NOS1AP: variants seen among roughly 807,000 people sequenced by gnomAD.
NOS1AP encodes carboxyl-terminal PDZ ligand of neuronal nitric oxide synthase protein.
In NOS1AP, 21 loss-of-function variants were observed where a neutral mutation model predicts 56.2. The observed-to-expected ratio is 0.37, with a 90% CI of 0.26 to 0.54. The LOEUF (loss-of-function observed/expected upper bound fraction) is 0.54, where lower values mean the gene tolerates loss of function less well. NOS1AP is among the 20% of genes least tolerant of loss of function. The probability of loss-of-function intolerance (pLI) is 0.84; values close to 1 mark genes in which losing one functional copy is unlikely to be tolerated. For synonymous variants in NOS1AP, 270 were observed against 274.6 expected, an observed-to-expected ratio of 0.98 and a Z score of 0.17; for missense variants, 522 against 657.8, an observed-to-expected ratio of 0.79 and a Z score of 2.26.
intron 1 of NOS1AP, among the ~76,000 whole-genome samples, chr1:162,083,327 G>C (rs541524105): frequency 6.6e-6 from 1 of 152,332 alleles, no homozygotes; most frequent in East Asian, 1.9e-4. Flanking sequence ...TGTGGGCCAA[G>C]TGACAGATAA....
chr1:162,227,376 A>T (rs1652980444), intron 2 of NOS1AP, among the ~76,000 whole-genome samples: 3 of 152,252 alleles, frequency 2.0e-5, no homozygotes, highest in Admixed American at 2.0e-4. Flanking sequence ...AATTTTAAAA[A>T]TATAACAATT....
chr1:162,148,256 T>C (rs1932933), intron 1 of NOS1AP, among the ~76,000 whole-genome samples: 75,542 of 152,098 alleles, frequency 0.5, 21,098 homozygotes, highest in Non-Finnish European at 0.63. Context: ...GTGTTCATTT[T>C]TGGAGGATTC....
intron 1 of NOS1AP, among the ~76,000 whole-genome samples, chr1:162,101,538 G>A (rs1434332562): frequency 6.6e-6 from 1 of 151,664 alleles, no homozygotes; most frequent in Non-Finnish European, 1.5e-5. Context: ...TGTACTTTGG[G>A]CATTTTTATG....
intron 2 of NOS1AP, among the ~76,000 whole-genome samples, chr1:162,273,160 CTTTTTTTTTTT>C (rs11429407): frequency 9.4e-6 from 1 of 106,222 alleles, no homozygotes; most frequent in Admixed American, 1.1e-4. Flanking sequence ...AGCCCTTGTT[CTTTTTTTTTTT>C]TTTTTTTTTT....
chr1:162,222,111 G>C (rs1652803351), intron 2 of NOS1AP, among the ~76,000 whole-genome samples: 3 of 152,060 alleles, frequency 2.0e-5, no homozygotes, highest in African/African-American at 7.2e-5. Context: ...CTTATTCCTA[G>C]CTGTGGAATA....
At chr1:162,102,035 G>GAA (rs1647296418) in intron 1 of NOS1AP, among the ~76,000 whole-genome samples, 1 of 152,150 alleles carries the variant, frequency 6.6e-6, no homozygotes, top group African/African-American at 2.4e-5. Flanking sequence ...TTTCAAGGGG[G>GAA]AATGCTTCTA....
At chr1:162,158,501 A>G (rs558544089) in intron 2 of NOS1AP, among the ~76,000 whole-genome samples, 42 of 152,318 alleles carry the variant, frequency 2.8e-4, no homozygotes, top group African/African-American at 9.6e-4. Flanking sequence ...TTTTTGGGAT[A>G]TATACCCAGA....
At chr1:162,081,627 G>T (rs1275681869) in intron 1 of NOS1AP, among the ~76,000 whole-genome samples, 67 of 148,662 alleles carry the variant, frequency 4.5e-4, no homozygotes, top group African/African-American at 1.6e-3. Flanking sequence ...ACTCATTGCA[G>T]CCTTGACCTC....
intron 2 of NOS1AP, among the ~76,000 whole-genome samples, chr1:162,242,175 T>G (rs935648013): frequency 6.6e-6 from 1 of 152,192 alleles, no homozygotes; most frequent in Non-Finnish European, 1.5e-5. Flanking sequence ...TTCCCTGACC[T>G]CAAGTGAATA....
intron 1 of NOS1AP, among the ~76,000 whole-genome samples, chr1:162,074,202 C>T (rs1011459866): frequency 6.6e-6 from 1 of 152,134 alleles, no homozygotes; most frequent in African/African-American, 2.4e-5. Flanking sequence ...TCCAGAGTTG[C>T]AAATTGGTGT....
chr1:162,144,334 CA>C (rs1170775728), intron 1 of NOS1AP, among the ~76,000 whole-genome samples: 5 of 152,356 alleles, frequency 3.3e-5, no homozygotes, highest in Admixed American at 3.3e-4. Flanking sequence ...CTGCCACTCA[CA>C]AGCTACGTTT....
intron 1 of NOS1AP, among the ~76,000 whole-genome samples, chr1:162,137,827 A>G (rs1314539389): frequency 6.6e-6 from 1 of 152,022 alleles, no homozygotes; most frequent in African/African-American, 2.4e-5. Flanking sequence ...GGCTGCTCAT[A>G]TTGCTATCCT....
chr1:162,237,691 G>A (rs961484925), intron 2 of NOS1AP, among the ~76,000 whole-genome samples: 4 of 152,198 alleles, frequency 2.6e-5, no homozygotes, highest in East Asian at 1.9e-4. Context: ...ATTACTTAAA[G>A]AATATTCAAC....
intron 2 of NOS1AP, among the ~76,000 whole-genome samples, chr1:162,285,804 G>A (rs1456130865): frequency 1.3e-5 from 2 of 152,184 alleles, no homozygotes; most frequent in Non-Finnish European, 2.9e-5. Flanking sequence ...TGCTGACAGG[G>A]TAGAGTGGAG....
At chr1:162,195,179 A>G (rs918842296) in intron 2 of NOS1AP, among the ~76,000 whole-genome samples, 2 of 152,212 alleles carry the variant, frequency 1.3e-5, no homozygotes, top group African/African-American at 4.8e-5. Context: ...TTAGTATAGT[A>G]TCTAGCACAT....
intron 2 of NOS1AP, among the ~76,000 whole-genome samples, chr1:162,252,767 A>G (rs974621813): frequency 6.6e-6 from 1 of 152,208 alleles, no homozygotes; most frequent in Non-Finnish European, 1.5e-5. Context: ...AATAGCCACT[A>G]GCTAAGTGTG....
chr1:162,355,161 C>G, intron 6 of NOS1AP, 26 bp from the exon 7 acceptor site: 1 of 1,612,970 alleles, frequency 6.2e-7, no homozygotes, highest in South Asian at 1.1e-5. Flanking sequence ...TCATTCTCTT[C>G]CCTCCCTCCC....
In NOS1AP at chr1:162,367,412, A is replaced by C. The variant is rs765447783; in HGVS notation, c.1466A>C (p.Asn489Thr). 6.3e-7 allele frequency: 1 copy of C among 1,594,866 alleles called. No individual in the cohort carries two copies. Among genetic ancestry groups the C allele is most frequent in the South Asian group, 1.1e-5 (1 of 89,242 alleles). ...CAGGAGGAGCTGCCGCGCCTGCTGA[A>C]TGTCCTGCAGAGGCAGGAACTGGGC... ...WSQEELPRLL[N>T]VLQRQELGDG... The change falls in exon 10 of 10, where the codon AAT (asparagine) becomes ACT (threonine). Residue 489 changes from asparagine (N) to threonine (T), a missense_variant. Physicochemically the swap from Asn to Thr is moderately conservative, Grantham distance 65 (BLOSUM62 0). Transcript: ENST00000361897. This position sits in a 1 kb window ranked among gnomAD's most constrained non-coding sequence, Gnocchi z 6.5.
At chr1:162,078,773 G>C (rs1691826986) in intron 1 of NOS1AP, among the ~76,000 whole-genome samples, 1 of 152,022 alleles carries the variant, frequency 6.6e-6, no homozygotes, top group African/African-American at 2.4e-5. Context: ...ATCACCCTGG[G>C]CTTCAACCCA....
Sources: allele counts gnomAD v4.1 joint callset (sites outside exome capture counted in the v4.1 genomes callset), GRCh38; gene constraint gnomAD v4.1.1; non-coding constraint Gnocchi (gnomAD v3.1); transcripts MANE v1.5; gene names NCBI Gene and HGNC (gene_info 2026-07-23, HGNC 2026-07-21).